RBBP4: variants seen among roughly 807,000 people sequenced by gnomAD.
RBBP4 encodes the protein histone-binding protein RBBP4.
A neutral mutation model predicts 57.2 loss-of-function variants in RBBP4; 3 were observed. The ratio of observed to expected loss-of-function variants is 0.05; its 90% CI spans 0.02 to 0.14. The LOEUF is 0.14. Among genes scored for constraint, RBBP4 ranks in the 10% least tolerant of loss-of-function variants. The probability of loss-of-function intolerance (pLI) is 1.00; values close to 1 mark genes in which losing one functional copy is unlikely to be tolerated. For missense variants in RBBP4, 107 were observed against 520.6 expected (o/e 0.21, Z 7.73); for synonymous variants, 151 against 171.5 (o/e 0.88, Z 0.93).
At position 32,683,856 on chromosome 1, in the gene RBBP4, C is replaced by T; in HGVS notation, c.*4151C>T. 1 of 679,192 alleles carries T rather than the reference C, an allele frequency of 1.5e-6. No homozygotes were observed. The highest frequency in any genetic ancestry group is 2.5e-6 in the Non-Finnish European group (1 of 399,382). 42.1% of individuals were successfully genotyped at this position (679,192 alleles called of 1,614,324 possible). ...CCATGTTGGCCAGGCTGGTCTTGAA[C>T]TCCTGACTCCAGGTGATCCACCCTC... On this transcript the variant is annotated 3_prime_UTR_variant, in exon 12 of 12. Coordinates refer to ENST00000373493, the MANE Select transcript of RBBP4 (RefSeq NM_005610.3).
In RBBP4 at chr1:32,669,377, A is replaced by G; in HGVS notation, c.888+20A>G. On this transcript the variant is annotated intron_variant, in intron 7 of 11. Transcript: ENST00000373493. This position sits in a 1 kb window ranked among gnomAD's most constrained non-coding sequence, Gnocchi z 4.9. Reference sequence around the variant, plus strand: ...GACAAGGTCAGTTTCGTTTATTTTAATAGAAAACATAATTTCTCTAGGTTT... The same window carrying G: ...GACAAGGTCAGTTTCGTTTATTTTAGTAGAAAACATAATTTCTCTAGGTTT... The G allele has an allele frequency of 6.3e-7, 1 of 1,583,878 alleles. No homozygotes were observed. Among genetic ancestry groups the G allele is most frequent in the Non-Finnish European group, 8.5e-7 (1 of 1,171,156 alleles).
At chr1:32,659,565 AAAAAC>A (rs10543592) in intron 3 of RBBP4, among the ~76,000 whole-genome samples, 124,937 of 150,800 alleles carry the variant, frequency 0.83, 54,232 homozygotes, top group Non-Finnish European at 0.96. Context: ...ACTCCGTCTC[AAAAAC>A]AAAACAAAAG....
rs1648194152 is a variant in RBBP4, at chr1:32,657,436, G to A, written c.174G>A (p.Gly58=). Residue 58 remains glycine (G), a synonymous_variant, in exon 3 of 12, where the codon GGG becomes GGA. Coordinates refer to ENST00000373493, the MANE Select transcript of RBBP4 (RefSeq NM_005610.3). The part of the protein sequence containing the change: ...QWLPDVTRPE[G]KDFSIHRLVL... ...TATATTGCCGTTACAGACCAGAAGG[G>A]AAAGATTTCAGCATTCATCGACTTG... is the stretch of plus-strand genomic sequence containing the variant. 1 of 1,612,948 alleles carries A rather than the reference G, an allele frequency of 6.2e-7. No individual in the cohort carries two copies. Among genetic ancestry groups the A allele is most frequent in the African/African-American group, 1.3e-5 (1 of 75,004 alleles).
intron 3 of RBBP4, among the ~76,000 whole-genome samples, chr1:32,660,562 G>A (rs528565331): frequency 2.3e-3 from 346 of 147,484 alleles, no homozygotes; most frequent in Non-Finnish European, 3.8e-3. Context: ...GATTACAGGC[G>A]CCCACCACCA....
At chr1:32,668,501 T>G (rs1170575583) in intron 4 of RBBP4, 103 bp downstream of exon 4, 6 of 1,250,814 alleles carry the variant, frequency 4.8e-6, no homozygotes, top group Non-Finnish European at 5.6e-6. Context: ...ATTTAACATC[T>G]TGTGATTTGT....
In RBBP4 at chr1:32,679,999, A is replaced by T. The variant is rs982671584; in HGVS notation, c.*294A>T. 2.6e-6 allele frequency: 3 copies of T among 1,160,832 alleles called. No homozygotes were observed. In the South Asian group the frequency reaches 8.2e-5, roughly 32 times the overall value. 71.9% of individuals were successfully genotyped at this position (1,160,832 alleles called of 1,614,324 possible). ...GTGTGATTATTTTTCTTCTTATGCT[A>T]TATCCCCAAGTTTTTCAGACTCATT... On this transcript the variant is annotated 3_prime_UTR_variant, in exon 12 of 12. Coordinates refer to ENST00000373493, the MANE Select transcript of RBBP4 (RefSeq NM_005610.3).
Position 32,651,255 on chromosome 1 carries a change from C to A in RBBP4, c.-52C>A. 6.6e-7 allele frequency: 1 copy of A among 1,506,252 alleles called. No homozygotes were observed. The highest frequency in any genetic ancestry group is 2.2e-5 in the Admixed American group (1 of 45,014). 93.3% of individuals were successfully genotyped at this position (1,506,252 alleles called of 1,614,324 possible). On this transcript the variant is annotated 5_prime_UTR_variant, in exon 1 of 12. Transcript: ENST00000373493. The stretch of plus-strand genomic sequence containing the variant: ...ACAGAGCGAGCTCTTGCAGCCTCCC[C>A]GCCCCTCCCGCAACGCTCGACCCCA...
chr1:32,680,506 G>A lies in RBBP4; in HGVS notation c.*801G>A. On this transcript the variant is annotated 3_prime_UTR_variant, in exon 12 of 12. Coordinates refer to ENST00000373493, the MANE Select transcript of RBBP4 (RefSeq NM_005610.3). The stretch of plus-strand genomic sequence containing the variant: ...TAAAAATTAAATTAATCCTTGATAA[G>A]AGTTGCTTTTTTTTTTTAGGAGTTA... The A allele has an allele frequency of 6.5e-7, 1 of 1,540,966 alleles. No homozygotes were observed. Among genetic ancestry groups the A allele is most frequent in the African/African-American group, 1.4e-5 (1 of 72,486 alleles).
chr1:32,663,582 A>ATTTT (rs11417558), intron 3 of RBBP4, among the ~76,000 whole-genome samples: 1 of 147,286 alleles, frequency 6.8e-6, no homozygotes, highest in Non-Finnish European at 1.5e-5. Context: ...CCCCTGAAAT[A>ATTTT]TTTTTTTTTT....
chr1:32,667,618 G>A (rs1278874734), intron 3 of RBBP4, among the ~76,000 whole-genome samples: 1 of 152,172 alleles, frequency 6.6e-6, no homozygotes, highest in African/African-American at 2.4e-5. Flanking sequence ...CACACGGGGA[G>A]AACACCCGCT....
At chr1:32,666,539 T>C (rs573676218) in intron 3 of RBBP4, among the ~76,000 whole-genome samples, 27 of 152,212 alleles carry the variant, frequency 1.8e-4, no homozygotes, top group South Asian at 1.5e-3. Context: ...GTATTTTTAG[T>C]AGAGACGGGG....
Position 32,681,824 on chromosome 1 carries a change from C to T in RBBP4, c.*2119C>T, listed in dbSNP as rs766792483. 16 of 1,613,932 alleles carry T rather than the reference C, an allele frequency of 9.9e-6. No individual in the cohort carries two copies. The highest frequency in any genetic ancestry group is 2.2e-5 in the South Asian group (2 of 91,080). On this transcript the variant is annotated 3_prime_UTR_variant, in exon 12 of 12. Coordinates refer to ENST00000373493, the MANE Select transcript of RBBP4 (RefSeq NM_005610.3). ...TTGCTAAGAAGTTTTTTGCTGTTTC[C>T]GGGTTACAGATTTGGCCATATATTT...
intron 2 of RBBP4, among the ~76,000 whole-genome samples, chr1:32,653,637 G>GTTTTTTTTT (rs1053666893): frequency 9.6e-5 from 2 of 20,776 alleles, no homozygotes; most frequent in Non-Finnish European, 3.5e-4. Flanking sequence ...TTGTTTTCTG[G>GTTTTTTTTT]TTTTTTTTTT....
chr1:32,657,852 A>AT (rs1648210135), intron 3 of RBBP4, among the ~76,000 whole-genome samples: 1 of 151,964 alleles, frequency 6.6e-6, no homozygotes, highest in Admixed American at 6.6e-5. Flanking sequence ...ATTGCTGTAC[A>AT]TTCTTGATTT....
rs1421451530 is a variant in RBBP4, at chr1:32,682,821, T to G, written c.*3116T>G. 1 of 152,096 alleles carries G rather than the reference T, an allele frequency of 6.6e-6. No homozygotes were observed. The highest frequency in any genetic ancestry group is 1.5e-5 in the Non-Finnish European group (1 of 68,014). The allele number at this position is 152,096 out of a possible 1,614,324, so 9.4% of individuals were successfully genotyped here. A position where few individuals can be genotyped will look rare whatever the true frequency, so the allele number is the denominator to read the frequency against. ...TGTAAGCTTAGGAAATGAATAAAAT[T>G]TATAGGCATCTGTATAATGTACAAC... On this transcript the variant is annotated 3_prime_UTR_variant, in exon 12 of 12. Coordinates refer to ENST00000373493, the MANE Select transcript of RBBP4 (RefSeq NM_005610.3).
intron 3 of RBBP4, among the ~76,000 whole-genome samples, chr1:32,664,130 G>A (rs546519241): frequency 6.6e-5 from 10 of 152,000 alleles, no homozygotes; most frequent in South Asian, 4.2e-4. Context: ...GGGTTTTACC[G>A]TGTTAGCCAG....
At position 32,685,969 on chromosome 1, in the gene RBBP4, T is replaced by TAGA. The variant is rs1649798236; in HGVS notation, c.*6264_*6265insAGA. ...CTCTAGTTTGACCCCTACCTCCAAC[T>TAGA]TGAACCTCTGTTACTCTTCCGTATG... On this transcript the variant is annotated 3_prime_UTR_variant, in exon 12 of 12. Transcript: ENST00000373493. The TAGA allele has an allele frequency of 6.6e-6, 1 of 152,162 alleles. No homozygotes were observed. The allele number at this position is 152,162 out of a possible 1,614,324, so 9.4% of individuals were successfully genotyped here. A position where few individuals can be genotyped will look rare whatever the true frequency, so the allele number is the denominator to read the frequency against.
chr1:32,683,559 T>G lies in RBBP4; in HGVS notation c.*3854T>G, dbSNP rs1649593787. The G allele has an allele frequency of 6.5e-6, 1 of 153,728 alleles. No individual in the cohort carries two copies. Among genetic ancestry groups the G allele is most frequent in the East Asian group, 1.9e-4 (1 of 5,204 alleles). 9.5% of individuals were successfully genotyped at this position (153,728 alleles called of 1,614,324 possible). Reference sequence around the variant, plus strand: ...ACATTCCAAATGAACTCTGAATGCCTGACTCAGGCGTTTTGGAGGTTTGGG... The same window carrying G: ...ACATTCCAAATGAACTCTGAATGCCGGACTCAGGCGTTTTGGAGGTTTGGG... On this transcript the variant is annotated 3_prime_UTR_variant, in exon 12 of 12. Coordinates refer to ENST00000373493, the MANE Select transcript of RBBP4 (RefSeq NM_005610.3).
intron 3 of RBBP4, among the ~76,000 whole-genome samples, chr1:32,659,718 A>G (rs898955518): frequency 5.3e-5 from 8 of 152,228 alleles, no homozygotes; most frequent in African/African-American, 1.9e-4. Flanking sequence ...AATATGCAAT[A>G]TAGGTTCATA....
Sources: gnomAD v4.1 joint callset for allele counts (sites outside exome capture counted in the v4.1 genomes callset) on GRCh38, gnomAD v4.1.1 for gene constraint, Gnocchi (gnomAD v3.1) non-coding constraint, MANE v1.5 for transcripts, NCBI Gene and HGNC (gene_info 2026-07-23, HGNC 2026-07-21) for gene names.